The following USP48 variants were observed in gnomAD, a reference collection of about 807,000 sequenced individuals.
The protein encoded by USP48 is ubiquitin carboxyl-terminal hydrolase 48.
Under a neutral mutation model 150.7 loss-of-function variants are expected in USP48, and 43 were observed. That is an observed-to-expected ratio of 0.29 (90% confidence interval 0.22 to 0.37). USP48 has a LOEUF of 0.37. Ranked by LOEUF, USP48 falls within the 10% of genes least tolerant of loss-of-function variation. The pLI is 1.00. For synonymous variants in USP48, 396 were observed against 425.9 expected, an observed-to-expected ratio of 0.93 and a Z score of 0.86; for missense variants, 813 against 1,249.6, an observed-to-expected ratio of 0.65 and a Z score of 5.27.
At chr1:21,774,222 T>TAATAATAAG (rs1557619963) in intron 1 of USP48, among the ~76,000 whole-genome samples, 1 of 144,202 alleles carries the variant, frequency 6.9e-6, no homozygotes, top group Non-Finnish European at 1.5e-5. Flanking sequence ...ATAATAATAA[T>TAATAATAAG]AAGGCAGGTA....
Position 21,705,986 on chromosome 1 carries a change from G to T in USP48, c.2273+140C>A, listed in dbSNP as rs548971005. On this transcript the variant is annotated intron_variant, in intron 18 of 26. Coordinates refer to ENST00000308271, the MANE Select transcript of USP48 (RefSeq NM_032236.8). Reference sequence around the variant, plus strand: ...CTTAGGCTTATTCATTTAATTAATAGAAAAGAAAGCTTTCAGTGTATGCTG... The same window carrying T: ...CTTAGGCTTATTCATTTAATTAATATAAAAGAAAGCTTTCAGTGTATGCTG... 1.1e-5 allele frequency: 12 copies of T among 1,094,464 alleles called. No individual in the cohort carries two copies. In the East Asian group the frequency reaches 2.6e-4, roughly 23 times the overall value. The allele number at this position is 1,094,464 out of a possible 1,614,324, so 67.8% of individuals were successfully genotyped here. A position where few individuals can be genotyped will look rare whatever the true frequency, so the allele number is the denominator to read the frequency against.
intron 1 of USP48, among the ~76,000 whole-genome samples, chr1:21,764,475 G>A (rs964641501): frequency 1.4e-4 from 21 of 150,802 alleles, no homozygotes; most frequent in East Asian, 9.7e-4. Context: ...GTGGGAGGCC[G>A]AGGCTGGTGG....
chr1:21,684,927 T>C (rs1436927845), intron 25 of USP48, among the ~76,000 whole-genome samples: 6 of 152,342 alleles, frequency 3.9e-5, no homozygotes, highest in Non-Finnish European at 7.4e-5. Context: ...CCATGCTGTT[T>C]AGGTTACCAT....
In USP48 at chr1:21,756,656, T is replaced by C. The variant is rs1477050602; in HGVS notation, c.302A>G (p.Asn101Ser). The change falls in exon 3 of 27, where the codon AAC (asparagine) becomes AGC (serine). Residue 101 changes from asparagine to serine, a missense_variant. By Grantham distance (46) the Asn-to-Ser change is conservative. Coordinates refer to ENST00000308271, the MANE Select transcript of USP48 (RefSeq NM_032236.8). The stretch of plus-strand genomic sequence containing the variant: ...GAGAAACCACACTTGAAGAAATGTG[T>C]TGACATAACAAGTGGCTCCAAGGTT... ...LTNLGATCYVNTFLQVWFLNL... is the reference protein window; with the variant it reads ...LTNLGATCYVSTFLQVWFLNL... 6.2e-7 allele frequency: 1 copy of C among 1,613,546 alleles called. No individual in the cohort carries two copies. Among genetic ancestry groups the C allele is most frequent in the South Asian group, 1.1e-5 (1 of 90,996 alleles).
chr1:21,741,412 G>A (rs1172455004), intron 8 of USP48, among the ~76,000 whole-genome samples: 1 of 152,184 alleles, frequency 6.6e-6, no homozygotes, highest in Non-Finnish European at 1.5e-5. Flanking sequence ...TATCTTCAAT[G>A]AGTGAAAGTA....
chr1:21,703,396 G>T, intron 21 of USP48, 116 bp downstream of exon 21: 2 of 612,298 alleles, frequency 3.3e-6, no homozygotes, highest in Non-Finnish European at 5.6e-6. Context: ...ATGCCAAACA[G>T]CTCTGAAGGA....
At chr1:21,680,097 CTT>C (rs1474225863) in intron 26 of USP48, among the ~76,000 whole-genome samples, 1 of 152,214 alleles carries the variant, frequency 6.6e-6, no homozygotes, top group East Asian at 1.9e-4. Context: ...AAGAGGAAGA[CTT>C]TATTTTGGCC....
intron 6 of USP48, among the ~76,000 whole-genome samples, chr1:21,748,498 ATG>A (rs1273939517): frequency 9.2e-5 from 14 of 152,238 alleles, no homozygotes; most frequent in African/African-American, 3.4e-4. Context: ...TATTTCCCAA[ATG>A]TATGATATTA....
intron 11 of USP48, 60 bp from the exon 12 acceptor site, chr1:21,724,155 A>G (rs776994278): frequency 5.9e-6 from 9 of 1,534,672 alleles, no homozygotes; most frequent in Admixed American, 1.9e-5. Context: ...ACTAAGTGAT[A>G]CATTCATTTT....
At chr1:21,769,137 A>G (rs2097871542) in intron 1 of USP48, among the ~76,000 whole-genome samples, 1 of 152,214 alleles carries the variant, frequency 6.6e-6, no homozygotes, top group African/African-American at 2.4e-5. Flanking sequence ...CTAAAGTCAT[A>G]GAGATCAAGT....
rs867458225 is a variant in USP48, at chr1:21,689,863, A to G, written c.3009+111T>C. ...AAACCCACAGCAGTCATTTATCACT[A>G]CCCTCTGCTAAAGACCCAAGGCATC... On this transcript the variant is annotated intron_variant, in intron 24 of 26. Transcript: ENST00000308271. 6.9e-5 allele frequency: 99 copies of G among 1,436,650 alleles called. No individual in the cohort carries two copies. In the Middle Eastern group the frequency reaches 1.6e-3, roughly 24 times the overall value. 89.0% of individuals were successfully genotyped at this position (1,436,650 alleles called of 1,614,324 possible).
chr1:21,686,226 G>A (rs1014384601), intron 25 of USP48: 5 of 152,156 alleles, frequency 3.3e-5, no homozygotes, highest in Non-Finnish European at 7.3e-5. Context: ...ATACTATGTT[G>A]AATAAGAGTG....
chr1:21,705,465 G>A (rs373444728), intron 19 of USP48, among the ~76,000 whole-genome samples: 5 of 152,260 alleles, frequency 3.3e-5, no homozygotes, highest in South Asian at 2.1e-4. Context: ...CACCAGCAGC[G>A]GGGGAAGAGA....
At chr1:21,764,890 C>A (rs937479201) in intron 1 of USP48, among the ~76,000 whole-genome samples, 1 of 152,088 alleles carries the variant, frequency 6.6e-6, no homozygotes, top group East Asian at 1.9e-4. Context: ...CAAGAGCTCC[C>A]AGCCATCAGT....
Position 21,750,681 on chromosome 1 carries a change from T to C in USP48, c.774+826A>G, listed in dbSNP as rs527621438. On this transcript the variant is annotated intron_variant, in intron 6 of 26. Transcript: ENST00000308271. ...TGAGGTTGGGAGTTTGAGACCAGCC[T>C]GACCGACATGGTAAAACCCTGTTTC... is the stretch of plus-strand genomic sequence containing the variant. Among the ~76,000 whole-genome samples, 10 of 152,122 alleles carry C rather than the reference T, an allele frequency of 6.6e-5. No individual in the cohort carries two copies. The East Asian group carries it at 1.9e-3, about 29-fold the overall frequency.
intron 9 of USP48, among the ~76,000 whole-genome samples, chr1:21,735,709 TG>T (rs1298626061): frequency 6.6e-6 from 1 of 152,178 alleles, no homozygotes; most frequent in Non-Finnish European, 1.5e-5. Flanking sequence ...ACCAACATTG[TG>T]AAACCTTGTC....
At chr1:21,761,653 G>C (rs1336377755) in intron 1 of USP48, among the ~76,000 whole-genome samples, 1 of 152,144 alleles carries the variant, frequency 6.6e-6, no homozygotes, top group African/African-American at 2.4e-5. Flanking sequence ...TATTCAGAAG[G>C]CTCAGGCAGA....
At chr1:21,753,950 C>T (rs935715549) in intron 3 of USP48, among the ~76,000 whole-genome samples, 4 of 151,602 alleles carry the variant, frequency 2.6e-5, no homozygotes, top group Non-Finnish European at 5.9e-5. Flanking sequence ...ATCACAAGGT[C>T]GGGAGTTCCA....
chr1:21,757,448 T>C, intron 2 of USP48: 1 of 403,116 alleles, frequency 2.5e-6, no homozygotes, highest in Non-Finnish European at 4.3e-6. Flanking sequence ...AACTATTATT[T>C]AAAGGCTTAC....
Sources: allele counts gnomAD v4.1 joint callset (sites outside exome capture counted in the v4.1 genomes callset), GRCh38; gene constraint gnomAD v4.1.1; transcripts MANE v1.5; gene names NCBI Gene and HGNC (gene_info 2026-07-23, HGNC 2026-07-21).